The following LRP1B variants were observed in gnomAD, a reference collection of about 807,000 sequenced individuals.
LRP1B encodes low-density lipoprotein receptor-related protein 1B.
In LRP1B, 217 loss-of-function variants were observed where a neutral mutation model predicts 556.6. That is an observed-to-expected ratio of 0.39 (90% CI 0.35 to 0.44). The LOEUF (loss-of-function observed/expected upper bound fraction) is 0.44, where lower values mean the gene tolerates loss of function less well. Among genes scored for constraint, LRP1B ranks in the 20% least tolerant of loss-of-function variants. The pLI is 1.00. For synonymous variants in LRP1B, 2,047 were observed against 1,865.8 expected, an observed-to-expected ratio of 1.10 and a Z score of -2.50; for missense variants, 5,053 against 5,620.8, an observed-to-expected ratio of 0.90 and a Z score of 3.23.
intron 7 of LRP1B, among the ~76,000 whole-genome samples, chr2:141,123,616 C>T (rs1342418147): frequency 6.6e-6 from 1 of 152,026 alleles, no homozygotes; most frequent in Non-Finnish European, 1.5e-5. Context: ...TGTTTGGGAG[C>T]TATTGAATTT....
At chr2:140,523,683 C>T (rs1210499705) in intron 49 of LRP1B, among the ~76,000 whole-genome samples, 1 of 151,700 alleles carries the variant, frequency 6.6e-6, no homozygotes, top group African/African-American at 2.4e-5. Context: ...AGTGAAGATG[C>T]AAAATTAATG....
chr2:141,153,034 CT>C (rs1701962918), intron 7 of LRP1B, among the ~76,000 whole-genome samples: 1 of 150,074 alleles, frequency 6.7e-6, no homozygotes, highest in African/African-American at 2.4e-5. Flanking sequence ...CATATGAAAT[CT>C]TAACCATTCT....
intron 14 of LRP1B, among the ~76,000 whole-genome samples, chr2:141,011,239 C>A (rs1487637304): frequency 1.3e-5 from 2 of 149,644 alleles, no homozygotes; most frequent in African/African-American, 4.9e-5. Flanking sequence ...CAATATGAAA[C>A]CATTTATAGG....
Position 141,573,669 on chromosome 2 carries a change from G to T in LRP1B, c.206-93136C>A, listed in dbSNP as rs368502299. Among the ~76,000 whole-genome samples the T allele has an allele frequency of 7.3e-5, 11 of 151,010 alleles. 1 individual carries two copies. The East Asian group carries it at 9.7e-4, about 13-fold the overall frequency. Reference sequence around the variant, plus strand: ...AAAAAATCAATGAATCCAAGGGCTGGGTTTTGAAAAAAATCAAAAAAATAG... The same window carrying T: ...AAAAAATCAATGAATCCAAGGGCTGTGTTTTGAAAAAAATCAAAAAAATAG... On this transcript the variant is annotated intron_variant, in intron 2 of 90. Transcript: ENST00000389484.
chr2:140,517,424 A>G (rs1349336624), intron 49 of LRP1B, among the ~76,000 whole-genome samples: 3 of 152,264 alleles, frequency 2.0e-5, no homozygotes, highest in Admixed American at 2.0e-4. Context: ...CAAAATAATA[A>G]AATTAATACA....
At chr2:140,298,679 A>G (rs1456196215) in intron 83 of LRP1B, among the ~76,000 whole-genome samples, 1 of 152,070 alleles carries the variant, frequency 6.6e-6, no homozygotes, top group Admixed American at 6.6e-5. Flanking sequence ...ATCTTTGACT[A>G]TTTTTCTTTA....
At chr2:141,018,036 A>G (rs1239903481) in intron 12 of LRP1B, among the ~76,000 whole-genome samples, 2 of 151,908 alleles carry the variant, frequency 1.3e-5, no homozygotes, top group Admixed American at 6.6e-5. Flanking sequence ...CTTTACAATC[A>G]ATACCAGTAC....
In LRP1B at chr2:140,493,891, A is replaced by G. The variant is rs141203637; in HGVS notation, c.9035-1198T>C. On this transcript the variant is annotated intron_variant, in intron 56 of 90. Transcript: ENST00000389484. ...ATGGGATCCCAAATTAGTCATTCTCATCTTCTTTTTGAGGCCAGACTGAGA... is the reference window on the plus strand; with the variant it reads ...ATGGGATCCCAAATTAGTCATTCTCGTCTTCTTTTTGAGGCCAGACTGAGA... Among the ~76,000 whole-genome samples, 6 of 152,160 alleles carry G rather than the reference A, an allele frequency of 3.9e-5. No homozygotes were observed. The East Asian group carries it at 1.2e-3, about 29-fold the overall frequency.
chr2:141,174,613 T>G (rs558254745), intron 7 of LRP1B, among the ~76,000 whole-genome samples: 1 of 152,118 alleles, frequency 6.6e-6, no homozygotes, highest in Non-Finnish European at 1.5e-5. Flanking sequence ...TTCTGTTAAG[T>G]CGGAGGAACT....
intron 32 of LRP1B, among the ~76,000 whole-genome samples, chr2:140,803,269 T>TTG (rs1690581562): frequency 1.5e-5 from 2 of 130,526 alleles, no homozygotes; most frequent in African/African-American, 3.1e-5. Flanking sequence ...AGTTTTTTTT[T>TTG]TTTTTTTTTT....
rs189724904 is a variant in LRP1B at position 140,456,632 on chromosome 2, A to G, written c.9815-29T>C. ...AAGATAAGAAAGAAACAACAACAAC[A>G]AAACAGGATAATCAAGACTAATAAT... On this transcript the variant is annotated intron_variant, in intron 61 of 90. Coordinates refer to ENST00000389484, the MANE Select transcript of LRP1B (RefSeq NM_018557.3). 10 of 1,591,960 alleles carry G rather than the reference A, an allele frequency of 6.3e-6. No homozygotes were observed. In the Admixed American group the frequency reaches 1.7e-4, roughly 28 times the overall value.
At chr2:141,384,053 G>C (rs1446804104) in intron 3 of LRP1B, among the ~76,000 whole-genome samples, 1 of 152,124 alleles carries the variant, frequency 6.6e-6, no homozygotes, top group African/African-American at 2.4e-5. Context: ...ATGTTAATTA[G>C]TTTGATGTAG....
At chr2:140,738,848 C>T (rs917936325) in intron 35 of LRP1B, among the ~76,000 whole-genome samples, 23 of 152,294 alleles carry the variant, frequency 1.5e-4, no homozygotes, top group Admixed American at 5.9e-4. Context: ...TAATTGCCTA[C>T]ATCAAATAAC....
chr2:141,579,473 A>C (rs1379482066), intron 2 of LRP1B, among the ~76,000 whole-genome samples: 1 of 152,182 alleles, frequency 6.6e-6, no homozygotes, highest in Middle Eastern at 3.2e-3. Context: ...GGGGAGTGTC[A>C]AGATATTCCA....
intron 1 of LRP1B, among the ~76,000 whole-genome samples, chr2:141,941,073 T>G (rs941246042): frequency 6.6e-6 from 1 of 152,220 alleles, no homozygotes; most frequent in African/African-American, 2.4e-5. Flanking sequence ...AACAATATTA[T>G]GTCTACAGTT....
In LRP1B at chr2:141,293,766, C is replaced by T. The variant is rs373229409; in HGVS notation, c.344-39125G>A. On this transcript the variant is annotated intron_variant, in intron 3 of 90. Coordinates refer to ENST00000389484, the MANE Select transcript of LRP1B (RefSeq NM_018557.3). ...CAAAACTGAATTACTTGCCCTGTGA[C>T]TAAGTAATCATCAATCTAAGAATTT... Among the ~76,000 whole-genome samples, 31 of 151,534 alleles carry T rather than the reference C, an allele frequency of 2.0e-4. No individual in the cohort carries two copies. In the South Asian group the frequency reaches 6.5e-3, roughly 32 times the overall value.
chr2:141,813,405 G>A (rs1210216990), intron 1 of LRP1B, among the ~76,000 whole-genome samples: 6 of 152,082 alleles, frequency 3.9e-5, no homozygotes, highest in Non-Finnish European at 7.4e-5. Flanking sequence ...AGTAAGGTGA[G>A]AGTGACACCC....
At chr2:140,584,170 A>G (rs1010675292) in intron 43 of LRP1B, among the ~76,000 whole-genome samples, 9 of 152,260 alleles carry the variant, frequency 5.9e-5, no homozygotes, top group Admixed American at 4.6e-4. Context: ...AACACATTAT[A>G]ACCTGCTCAA....
chr2:140,779,430 C>T (rs900462042), intron 32 of LRP1B, among the ~76,000 whole-genome samples: 1 of 152,068 alleles, frequency 6.6e-6, no homozygotes, highest in African/African-American at 2.4e-5. Flanking sequence ...GGCATGGTGG[C>T]TCACGCCTGT....
Sources: allele counts gnomAD v4.1 joint callset (sites outside exome capture counted in the v4.1 genomes callset), GRCh38; gene constraint gnomAD v4.1.1; transcripts MANE v1.5; gene names NCBI Gene and HGNC (gene_info 2026-07-23, HGNC 2026-07-21).